ENO4: variants seen among roughly 807,000 people sequenced by gnomAD.
ENO4 encodes the protein enolase 4.
In ENO4, 53 loss-of-function variants were observed where a neutral mutation model predicts 63.2. That is an observed-to-expected ratio of 0.84 (90% confidence interval 0.67 to 1.05). ENO4 has a LOEUF of 1.05. Ranked by LOEUF, ENO4 falls within the 50% of genes least tolerant of loss-of-function variation. The pLI is 0.00. For missense variants in ENO4, 719 were observed against 772.0 expected (o/e 0.93, Z 0.81); for synonymous variants, 266 against 283.8 (o/e 0.94, Z 0.63).
chr10:116,876,181 C>A lies in ENO4; in HGVS notation c.1458C>A (p.Pro486=). 1 of 1,550,598 alleles carries A rather than the reference C, an allele frequency of 6.4e-7. No homozygotes were observed. ...KLLEQGNISI[P]KSNGLIIKHT... ...TAGAGCAAGGAAACATCAGCATCCC[C>A]AAATCCAATGGGCTGATCATAAAAC... is the stretch of plus-strand genomic sequence containing the variant. Residue 486 remains proline, a synonymous_variant, in exon 11 of 14, where the codon CCC becomes CCA. Transcript: ENST00000341276.
At chr10:116,849,845 G>A (rs1846014574) in intron 1 of ENO4, 114 bp downstream of exon 1, 2 of 1,197,278 alleles carry the variant, frequency 1.7e-6, no homozygotes, top group Non-Finnish European at 2.3e-6. Context: ...CCAGCCGCCC[G>A]GGCCCTGGGC....
downstream of ENO4, chr10:116,886,228 T>C: frequency 7.2e-7 from 1 of 1,394,358 alleles, no homozygotes; most frequent in Non-Finnish European, 9.7e-7. Flanking sequence ...GAAAAGAACC[T>C]GTATTCTGAA....
intron 10 of ENO4, among the ~76,000 whole-genome samples, chr10:116,905,438 T>C (rs1262282323): frequency 1.3e-5 from 2 of 152,186 alleles, no homozygotes; most frequent in African/African-American, 2.4e-5. Context: ...AGAATCTTTG[T>C]AAGATTTTAA....
At chr10:116,889,721 G>A (rs1435517541) in intron 10 of ENO4, among the ~76,000 whole-genome samples, 1 of 152,178 alleles carries the variant, frequency 6.6e-6, no homozygotes, top group East Asian at 1.9e-4. Flanking sequence ...TCTTCTCCTA[G>A]AAACAGGAGG....
At chr10:116,849,870 G>A in intron 1 of ENO4, 139 bp downstream of exon 1, 1 of 977,694 alleles carries the variant, frequency 1.0e-6, no homozygotes. Context: ...GTGTGCGGAG[G>A]AGACTTCTGG....
chr10:116,908,840 A>C (rs1360656755), intron 10 of ENO4, among the ~76,000 whole-genome samples: 1 of 152,196 alleles, frequency 6.6e-6, no homozygotes, highest in Non-Finnish European at 1.5e-5. Context: ...TACTGAAGGA[A>C]TCCATTTTCC....
downstream of ENO4, among the ~76,000 whole-genome samples, chr10:116,912,194 A>G (rs981769482): frequency 6.6e-6 from 1 of 152,204 alleles, no homozygotes; most frequent in African/African-American, 2.4e-5. Flanking sequence ...TCTTAGGATA[A>G]ACTGTCCTCT....
In ENO4 at chr10:116,856,493, A is replaced by G. The variant is rs1252782364; in HGVS notation, c.296A>G (p.Asn99Ser). The G allele has an allele frequency of 6.5e-7, 1 of 1,535,578 alleles. No individual in the cohort carries two copies. The highest frequency in any genetic ancestry group is 1.7e-4 in the Middle Eastern group (1 of 5,990). ...TGAACACATTTATATGATTTTCAGA[A>G]CGTATGTTCTGTGGTGATCTCGACT... ...IFCTIQNFPK[N>S]VCSVVISTHF... The change falls in exon 3 of 14, where the codon AAC (asparagine) becomes AGC (serine). Residue 99 changes from asparagine (N) to serine (S), a missense_variant and splice_region_variant. Around this residue, in one of 3 missense-constraint regions of ENO4, gnomAD observed 544 missense variants for 583.6 expected, o/e 0.93. Coordinates refer to ENST00000341276, the MANE Select transcript of ENO4 (RefSeq NM_001242699.2).
At chr10:116,906,283 T>C (rs1387453901) in intron 10 of ENO4, among the ~76,000 whole-genome samples, 5 of 152,218 alleles carry the variant, frequency 3.3e-5, no homozygotes, top group Admixed American at 2.0e-4. Flanking sequence ...ACAAGAGAAC[T>C]AGGACTCAAA....
At position 116,881,839 on chromosome 10, in the gene ENO4, C is replaced by A; in HGVS notation, c.*170C>A. The A allele has an allele frequency of 2.0e-6, 1 of 509,134 alleles. No homozygotes were observed. Among genetic ancestry groups the A allele is most frequent in the Non-Finnish European group, 3.1e-6 (1 of 317,666 alleles). The allele number at this position is 509,134 out of a possible 1,614,324, so 31.5% of individuals were successfully genotyped here. A position where few individuals can be genotyped will look rare whatever the true frequency, so the allele number is the denominator to read the frequency against. On this transcript the variant is annotated 3_prime_UTR_variant, in exon 14 of 14. Transcript: ENST00000341276. The stretch of plus-strand genomic sequence containing the variant: ...TAAATTACATATATGATGTTTTTGC[C>A]TGAAATTCTGTGAACTTCGTTTTGC...
intron 10 of ENO4, among the ~76,000 whole-genome samples, chr10:116,887,648 C>T (rs1222320533): frequency 6.6e-6 from 1 of 152,162 alleles, no homozygotes; most frequent in East Asian, 1.9e-4. Flanking sequence ...TCTTTTACCA[C>T]CTAATACCTC....
At chr10:116,879,601 C>T (rs777350509) in intron 12 of ENO4, among the ~76,000 whole-genome samples, 4 of 152,150 alleles carry the variant, frequency 2.6e-5, no homozygotes, top group Non-Finnish European at 4.4e-5. Context: ...ATCTTTCCTC[C>T]TAAAATGAAG....
chr10:116,858,509 G>A (rs1846330887), intron 3 of ENO4, among the ~76,000 whole-genome samples: 1 of 152,010 alleles, frequency 6.6e-6, no homozygotes, highest in Admixed American at 6.6e-5. Flanking sequence ...TTGGGGTGCT[G>A]AAATTTTACA....
chr10:116,879,408 T>G, intron 12 of ENO4, 50 bp downstream of exon 12: 1 of 1,392,674 alleles, frequency 7.2e-7, no homozygotes, highest in Non-Finnish European at 9.9e-7. Flanking sequence ...TATCACGAAT[T>G]GGTATTTCAG....
At chr10:116,901,523 C>G (rs1235250463) in intron 10 of ENO4, 3 of 985,180 alleles carry the variant, frequency 3.0e-6, no homozygotes, top group Non-Finnish European at 3.6e-6. Context: ...GTAGAAGAAC[C>G]TGATTACCAA....
At chr10:116,900,036 T>C (rs972342774) in intron 10 of ENO4, among the ~76,000 whole-genome samples, 2 of 152,198 alleles carry the variant, frequency 1.3e-5, no homozygotes, top group Non-Finnish European at 1.5e-5. Flanking sequence ...GGGTAAATAA[T>C]TACCTATACA....
chr10:116,886,515 T>C (rs1219351263), downstream of ENO4: 1 of 1,614,172 alleles, frequency 6.2e-7, no homozygotes, highest in Non-Finnish European at 8.5e-7. Flanking sequence ...CTGGTTCGGC[T>C]TGTTTTTCAC....
intron 10 of ENO4, chr10:116,901,516 G>A: frequency 1.0e-6 from 1 of 985,246 alleles, no homozygotes; most frequent in Non-Finnish European, 1.2e-6. Context: ...TATTTGTGTA[G>A]AAGAACCTGA....
chr10:116,887,447 T>C (rs763927300), downstream of ENO4, among the ~76,000 whole-genome samples: 16 of 152,082 alleles, frequency 1.1e-4, no homozygotes, highest in Non-Finnish European at 2.4e-4. Context: ...AATGCTAGGA[T>C]CAGGCCTTTT....
Sources: allele counts gnomAD v4.1 joint callset (sites outside exome capture counted in the v4.1 genomes callset), GRCh38; gene constraint gnomAD v4.1.1; regional missense constraint gnomAD v4.1.1; transcripts MANE v1.5; gene names NCBI Gene and HGNC (gene_info 2026-07-23, HGNC 2026-07-21).